Variants in FHIT observed in about 807,000 individuals in gnomAD.
The protein encoded by FHIT is bis(5'-adenosyl)-triphosphatase.
Under a neutral mutation model 17.9 loss-of-function variants are expected in FHIT, and 19 were observed. That is an observed-to-expected ratio of 1.06 (90% CI 0.74 to 1.56). The LOEUF (loss-of-function observed/expected upper bound fraction) is 1.56, where lower values mean the gene tolerates loss of function less well. Ranked by LOEUF, FHIT falls within the 40% of genes most tolerant of loss-of-function variation. FHIT has a pLI of 0.00. For missense variants in FHIT, 248 were observed against 189.2 expected (o/e 1.31, Z -1.82); for synonymous variants, 81 against 69.7 (o/e 1.16, Z -0.81).
chr3:61,192,442 C>T (rs1044945245), intron 2 of FHIT, among the ~76,000 whole-genome samples: 2 of 152,152 alleles, frequency 1.3e-5, no homozygotes, highest in African/African-American at 4.8e-5. Flanking sequence ...AGTTGCTTGG[C>T]AAAAGTGGAT....
Position 60,660,729 on chromosome 3 carries a change from C to CTTTTTTTTTTTTTTT in FHIT, c.-17-123765_-17-123751dup. ...GATGTGGAATATCTTTTATTGTGCT[C>CTTTTTTTTTTTTTTT]TTTTTTTTTTTTTTTTTTTTTGCCA... On this transcript the variant is annotated intron_variant, in intron 4 of 9. Transcript: ENST00000492590. Among the ~76,000 whole-genome samples, 126 of 37,274 alleles carry CTTTTTTTTTTTTTTT rather than the reference C, an allele frequency of 3.4e-3. 30 individuals carry two copies. The highest frequency in any genetic ancestry group is 4.5e-3 in the East Asian group (5 of 1,104). 24.5% of individuals were successfully genotyped at this position (37,274 alleles called of 152,430 possible). A position where few individuals can be genotyped will look rare whatever the true frequency, so the allele number is the denominator to read the frequency against.
intron 8 of FHIT, among the ~76,000 whole-genome samples, chr3:59,781,828 G>A (rs1243276386): frequency 2.2e-4 from 33 of 152,168 alleles, no homozygotes; most frequent in Admixed American, 1.9e-3. Flanking sequence ...TGCAGCCTAC[G>A]GGATGGGGTA....
At chr3:59,973,426 C>G (rs1708274133) in intron 7 of FHIT, among the ~76,000 whole-genome samples, 1 of 152,076 alleles carries the variant, frequency 6.6e-6, no homozygotes, top group Non-Finnish European at 1.5e-5. Flanking sequence ...CTGCCACAGG[C>G]CCTCTGCACA....
chr3:59,841,862 C>T (rs1258258379), intron 8 of FHIT, among the ~76,000 whole-genome samples: 1 of 152,102 alleles, frequency 6.6e-6, no homozygotes, highest in East Asian at 1.9e-4. Context: ...GGAAGGATTA[C>T]CACTGATATT....
At chr3:60,195,617 T>TTA (rs917033258) in intron 5 of FHIT, among the ~76,000 whole-genome samples, 2 of 144,168 alleles carry the variant, frequency 1.4e-5, no homozygotes, top group Non-Finnish European at 3.0e-5. Context: ...GTATATATAA[T>TTA]TATATATATT....
intron 8 of FHIT, among the ~76,000 whole-genome samples, chr3:59,782,236 G>A (rs1417037829): frequency 3.3e-5 from 5 of 152,176 alleles, no homozygotes; most frequent in Admixed American, 3.3e-4. Flanking sequence ...TTACAGTCAT[G>A]AGCTACTGCG....
At chr3:59,963,781 T>C (rs893910365) in intron 7 of FHIT, among the ~76,000 whole-genome samples, 24 of 152,282 alleles carry the variant, frequency 1.6e-4, no homozygotes, top group African/African-American at 4.6e-4. Context: ...TACTACAAAT[T>C]AGGGAAAATG....
intron 4 of FHIT, among the ~76,000 whole-genome samples, chr3:60,538,937 A>C (rs1231505800): frequency 1.3e-5 from 2 of 152,062 alleles, no homozygotes; most frequent in African/African-American, 2.4e-5. Context: ...CAAAATTGAC[A>C]AATGGGTTCT....
intron 4 of FHIT, among the ~76,000 whole-genome samples, chr3:60,769,454 A>T (rs1306672340): frequency 1.3e-5 from 2 of 152,180 alleles, no homozygotes; most frequent in Admixed American, 1.3e-4. Context: ...CAAGTGAAAA[A>T]TGCTTCCAAC....
At position 59,987,201 on chromosome 3, in the gene FHIT, T is replaced by C. The variant is rs372937346; in HGVS notation, c.279+24170A>G. Reference sequence around the variant, plus strand: ...TATATTTTTTCTATAGGAAATCCTATATATATTTATTTATTTATTTAGGAC... The same window carrying C: ...TATATTTTTTCTATAGGAAATCCTACATATATTTATTTATTTATTTAGGAC... On this transcript the variant is annotated intron_variant, in intron 7 of 9. Transcript: ENST00000492590. 4.8e-5 allele frequency among the ~76,000 whole-genome samples: 7 copies of C among 146,124 alleles called. No individual in the cohort carries two copies. In the East Asian group the frequency reaches 7.9e-4, roughly 16 times the overall value.
At chr3:61,056,106 T>C (rs1183598367) in intron 2 of FHIT, among the ~76,000 whole-genome samples, 1 of 152,260 alleles carries the variant, frequency 6.6e-6, no homozygotes, top group African/African-American at 2.4e-5. Context: ...CATTAATCTT[T>C]CAGTGGGGAC....
chr3:60,921,091 A>T (rs2107314834), intron 3 of FHIT, among the ~76,000 whole-genome samples: 1 of 152,364 alleles, frequency 6.6e-6, no homozygotes, highest in East Asian at 1.9e-4. Flanking sequence ...ACGGAGGAGA[A>T]AACTCACAAA....
At chr3:60,569,746 T>TCTAC (rs2037297083) in intron 4 of FHIT, among the ~76,000 whole-genome samples, 7 of 81,666 alleles carry the variant, frequency 8.6e-5, no homozygotes, top group Non-Finnish European at 1.6e-4. Flanking sequence ...TATATATATA[T>TCTAC]ATATATATAT....
intron 8 of FHIT, among the ~76,000 whole-genome samples, chr3:59,768,127 G>A (rs967052774): frequency 1.3e-5 from 2 of 152,118 alleles, no homozygotes; most frequent in African/African-American, 2.4e-5. Flanking sequence ...TAACAGGGGT[G>A]GCCTGCATCT....
chr3:60,428,662 C>G (rs1702765290), intron 5 of FHIT, among the ~76,000 whole-genome samples: 1 of 152,082 alleles, frequency 6.6e-6, no homozygotes, highest in Admixed American at 6.6e-5. Context: ...AAGCAAGTGA[C>G]AGGGGTAAAT....
chr3:60,117,656 G>C (rs1472222444), intron 5 of FHIT, among the ~76,000 whole-genome samples: 1 of 152,134 alleles, frequency 6.6e-6, no homozygotes, highest in Non-Finnish European at 1.5e-5. Flanking sequence ...AGCAAATGAT[G>C]AAGAACCAAC....
intron 4 of FHIT, among the ~76,000 whole-genome samples, chr3:60,658,208 C>A (rs1553690162): frequency 6.6e-6 from 1 of 152,114 alleles, no homozygotes. Context: ...GCGTGACTGT[C>A]TTATTTCACT....
intron 2 of FHIT, among the ~76,000 whole-genome samples, chr3:61,175,710 G>A (rs1303827322): frequency 6.6e-6 from 1 of 152,024 alleles, no homozygotes; most frequent in African/African-American, 2.4e-5. Flanking sequence ...CTCCTGCCAT[G>A]TGAGGACATG....
At chr3:59,853,735 G>T (rs988591477) in intron 8 of FHIT, among the ~76,000 whole-genome samples, 15 of 152,046 alleles carry the variant, frequency 9.9e-5, no homozygotes, top group African/African-American at 3.6e-4. Context: ...AGAGATATGG[G>T]GACACACACA....
Sources: allele counts gnomAD v4.1 joint callset (sites outside exome capture counted in the v4.1 genomes callset), GRCh38; gene constraint gnomAD v4.1.1; transcripts MANE v1.5; gene names NCBI Gene and HGNC (gene_info 2026-07-23, HGNC 2026-07-21).